The following ADCY4 variants were observed in gnomAD, a reference collection of about 807,000 sequenced individuals.
The protein encoded by ADCY4 is adenylate cyclase 4.
ADCY4 carries 111 observed loss-of-function variants against 125.5 expected under a neutral mutation model. That is an observed-to-expected ratio of 0.88 (90% CI 0.76 to 1.04). The LOEUF (loss-of-function observed/expected upper bound fraction) is 1.04. Ranked by LOEUF, ADCY4 falls within the 50% of genes least tolerant of loss-of-function variation. The pLI is 0.00. For synonymous variants in ADCY4, 576 were observed against 586.9 expected (o/e 0.98, Z 0.27); for missense variants, 1,256 against 1,382.9 (o/e 0.91, Z 1.46).
At chr14:24,325,922 G>T in intron 12 of ADCY4, 35 bp from the exon 13 acceptor site, 1 of 1,576,966 alleles carries the variant, frequency 6.3e-7, no homozygotes, top group Non-Finnish European at 8.6e-7. Context: ...GAAAGCACCA[G>T]AGAACAGAGG....
chr14:24,326,591 G>T (rs1484733069), intron 10 of ADCY4: 1 of 416,798 alleles, frequency 2.4e-6, no homozygotes, highest in African/African-American at 2.0e-5. Flanking sequence ...GTGTGTGTGT[G>T]TGTGTGTGTG....
At chr14:24,322,380 A>G (rs1345010409) in intron 19 of ADCY4, 156 bp from the exon 20 acceptor site, 2 of 931,030 alleles carry the variant, frequency 2.1e-6, no homozygotes, top group Non-Finnish European at 3.2e-6. Flanking sequence ...GAGAGAGACT[A>G]TCCTTGAAAT....
At chr14:24,320,117 C>T (rs1486854899) in intron 20 of ADCY4, among the ~76,000 whole-genome samples, 1 of 152,154 alleles carries the variant, frequency 6.6e-6, no homozygotes, top group Non-Finnish European at 1.5e-5. Context: ...GTTAGGATCA[C>T]CTCACAGCAA....
At chr14:24,331,183 C>T (rs1466012295) in intron 5 of ADCY4, 25 bp downstream of exon 5, 2 of 1,613,844 alleles carry the variant, frequency 1.2e-6, no homozygotes, top group South Asian at 2.2e-5. Flanking sequence ...ACAGGCCCCT[C>T]CCCTCCAGCC....
Position 24,331,937 on chromosome 14 carries a change from A to G in ADCY4, c.520T>C (p.Leu174=). 6.4e-7 allele frequency: 1 copy of G among 1,554,252 alleles called. No homozygotes were observed. The highest frequency in any genetic ancestry group is 8.8e-7 in the Non-Finnish European group (1 of 1,141,962). The change falls in exon 4 of 25, where the codon TTG becomes CTG. Residue 174 remains leucine (L), a splice_region_variant and synonymous_variant. Transcript: ENST00000418030. The part of the protein sequence containing the change: ...PDSRPALLPQ[L]AANAVLFLCG... Reference sequence around the variant, plus strand: ...AGGAACAGCACTGCGTTTGCTGCCAACTGTGGGTGAAGGCCAGCCTCAGAG... The same window carrying G: ...AGGAACAGCACTGCGTTTGCTGCCAGCTGTGGGTGAAGGCCAGCCTCAGAG...
intron 10 of ADCY4, among the ~76,000 whole-genome samples, chr14:24,327,352 G>A (rs1349237280): frequency 2.0e-5 from 3 of 152,144 alleles, no homozygotes; most frequent in Non-Finnish European, 4.4e-5. Context: ...AGCGGCAGGA[G>A]GTCTAGCATG....
intron 16 of ADCY4, 106 bp from the exon 17 acceptor site, chr14:24,323,560 C>T: frequency 1.3e-6 from 2 of 1,499,518 alleles, no homozygotes; most frequent in East Asian, 2.5e-5. Context: ...AAGACTCGTC[C>T]AAAGGGGTGG....
chr14:24,331,498 G>A (rs887274671), intron 4 of ADCY4, 142 bp from the exon 5 acceptor site: 30 of 1,174,196 alleles, frequency 2.6e-5, no homozygotes, highest in Non-Finnish European at 3.3e-5. Flanking sequence ...GCACACAGCA[G>A]GGCCCCAGCA....
In ADCY4 at chr14:24,331,375, A is replaced by G. The variant is rs776513695; in HGVS notation, c.670-19T>C. ...GGTGTTCCTGGAAGAGGTCACCATG[A>G]ACACCAACTCTTCTGCACCCTAAAG... On this transcript the variant is annotated intron_variant, in intron 4 of 24. Transcript: ENST00000418030. 2 of 1,612,920 alleles carry G rather than the reference A, an allele frequency of 1.2e-6. No individual in the cohort carries two copies.
chr14:24,332,870 G>A lies in ADCY4; in HGVS notation c.278C>T (p.Ser93Phe). ...TAGCAGCGCGACCCATACCAAGCCGGACAGGGGACGCGTCCAGCGCTGCAG... is the reference window on the plus strand; with the variant it reads ...TAGCAGCGCGACCCATACCAAGCCGAACAGGGGACGCGTCCAGCGCTGCAG... ...QRLQRWTRPL[S>F]GLVWVALLAL... Residue 93 changes from serine (S) to phenylalanine (F), a missense_variant, in exon 2 of 25, where the codon TCC (serine) becomes TTC (phenylalanine). Physicochemically the swap from Ser to Phe is radical, Grantham distance 155. Coordinates refer to ENST00000418030, the MANE Select transcript of ADCY4 (RefSeq NM_001198568.2). 1 of 1,605,788 alleles carries A rather than the reference G, an allele frequency of 6.2e-7. No individual in the cohort carries two copies. The highest frequency in any genetic ancestry group is 1.1e-5 in the South Asian group (1 of 90,694).
chr14:24,321,352 C>T lies in ADCY4; in HGVS notation c.2586+714G>A, dbSNP rs549569466. 2.0e-4 allele frequency among the ~76,000 whole-genome samples: 30 copies of T among 151,882 alleles called. No homozygotes were observed. The South Asian group carries it at 4.1e-3, about 21-fold the overall frequency. On this transcript the variant is annotated intron_variant, in intron 20 of 24. Transcript: ENST00000418030. Reference sequence around the variant, plus strand: ...AGGAGAATTGCTTGAACCCAGGAGGCGGAGGTTTCAGTGAGCTGAGACCGT... The same window carrying T: ...AGGAGAATTGCTTGAACCCAGGAGGTGGAGGTTTCAGTGAGCTGAGACCGT...
In ADCY4 at chr14:24,326,075, G is replaced by T. The variant is rs76088023; in HGVS notation, c.1655+4C>A. The T allele has an allele frequency of 1.3e-4, 200 of 1,574,024 alleles. No homozygotes were observed. In the East Asian group the frequency reaches 3.3e-3, roughly 26 times the overall value. On this transcript the variant is annotated splice_donor_region_variant and intron_variant, in intron 12 of 24. Coordinates refer to ENST00000418030, the MANE Select transcript of ADCY4 (RefSeq NM_001198568.2). The stretch of plus-strand genomic sequence containing the variant: ...GCCCCCCCAGCCCTCTTTGTTCTCC[G>T]TACTTCTGCGAGTTGAGCTGCTCAA...
At chr14:24,333,980 A>G (rs542710963) in intron 1 of ADCY4, among the ~76,000 whole-genome samples, 1 of 152,364 alleles carries the variant, frequency 6.6e-6, no homozygotes, top group South Asian at 2.1e-4. Context: ...GCCTCCAAGC[A>G]GTGAAAAGAA....
intron 9 of ADCY4, 24 bp from the exon 10 acceptor site, chr14:24,329,258 T>C (rs1200040690): frequency 1.2e-6 from 2 of 1,611,112 alleles, no homozygotes; most frequent in Non-Finnish European, 1.7e-6. Flanking sequence ...GGGCTGACAG[T>C]AAAGACCACA....
chr14:24,331,721 C>A, intron 4 of ADCY4, 67 bp downstream of exon 4: 1 of 1,445,732 alleles, frequency 6.9e-7, no homozygotes. Context: ...TGTGGAGGAG[C>A]CCCGTTATGT....
At chr14:24,327,447 C>T (rs1466366628) in intron 10 of ADCY4, among the ~76,000 whole-genome samples, 1 of 152,208 alleles carries the variant, frequency 6.6e-6, no homozygotes, top group Non-Finnish European at 1.5e-5. Flanking sequence ...ACACACCACT[C>T]CACCCATGCT....
Position 24,318,681 on chromosome 14 carries a change from C to G in ADCY4, c.3054G>C (p.Glu1018Asp), listed in dbSNP as rs2041806289. The change falls in exon 24 of 25, where the codon GAG becomes GAC. Residue 1018 changes from glutamate (E) to aspartate (D), a missense_variant. Coordinates refer to ENST00000418030, the MANE Select transcript of ADCY4 (RefSeq NM_001198568.2). Reference sequence around the variant, plus strand: ...GGATTTTGCCAAGGACTCCTGTACTCTCCATGCGGCTGGCCACGTTCACTG... The same window carrying G: ...GGATTTTGCCAAGGACTCCTGTACTGTCCATGCGGCTGGCCACGTTCACTG... ...GNTVNVASRM[E>D]STGVLGKIQV... The G allele has an allele frequency of 1.2e-6, 2 of 1,614,080 alleles. No homozygotes were observed. The highest frequency in any genetic ancestry group is 1.3e-5 in the African/African-American group (1 of 74,920).
Position 24,318,447 on chromosome 14 carries a change from C to T in ADCY4, c.3203G>A (p.Arg1068Gln), listed in dbSNP as rs1378408153. ...TAGGGTAGCTGAAGGAGGTCCAGTT[C>T]GTGTCAAGTCTGTGTTCAGGAAGTA... ...CTYFLNTDLT[R>Q]TGPPSATLG Residue 1068 changes from arginine (R) to glutamine (Q), a missense_variant, in exon 25 of 25, where the codon CGA (arginine) becomes CAA (glutamine). Coordinates refer to ENST00000418030, the MANE Select transcript of ADCY4 (RefSeq NM_001198568.2). 9.9e-6 allele frequency: 16 copies of T among 1,613,998 alleles called. No homozygotes were observed. Among genetic ancestry groups the T allele is most frequent in the African/African-American group, 4.0e-5 (3 of 74,926 alleles).
chr14:24,323,488 A>G, intron 16 of ADCY4, 34 bp from the exon 17 acceptor site: 3 of 1,550,504 alleles, frequency 1.9e-6, no homozygotes, highest in Non-Finnish European at 2.6e-6. Context: ...AGAGGCAGGT[A>G]GCTTCTTGGG....
Sources: allele counts gnomAD v4.1 joint callset (sites outside exome capture counted in the v4.1 genomes callset), GRCh38; gene constraint gnomAD v4.1.1; transcripts MANE v1.5; gene names NCBI Gene and HGNC (gene_info 2026-07-23, HGNC 2026-07-21).